HEG1: variants seen among roughly 807,000 people sequenced by gnomAD.
The protein encoded by HEG1 is protein HEG homolog 1.
A neutral mutation model predicts 125.6 loss-of-function variants in HEG1; 56 were observed. The observed-to-expected ratio is 0.45, with a 90% CI of 0.36 to 0.56. The LOEUF is 0.56. HEG1 is among the 20% of genes least tolerant of loss of function. The pLI is 0.00. For synonymous variants in HEG1, 644 were observed against 668.5 expected (o/e 0.96, Z 0.57); for missense variants, 1,523 against 1,670.0 (o/e 0.91, Z 1.53).
intron 14 of HEG1, among the ~76,000 whole-genome samples, chr3:124,990,010 A>C: frequency 6.6e-6 from 1 of 151,938 alleles, no homozygotes; most frequent in African/African-American, 2.4e-5. Context: ...TCCCCAGAAC[A>C]CCAAGGGCCC....
chr3:124,990,239 ATT>A (rs1160462890), intron 14 of HEG1, among the ~76,000 whole-genome samples: 1 of 151,998 alleles, frequency 6.6e-6, no homozygotes, highest in Non-Finnish European at 1.5e-5. Context: ...CAGCAGGGGT[ATT>A]TAGGAGTGAG....
chr3:125,008,468 T>C (rs527385016), intron 8 of HEG1, among the ~76,000 whole-genome samples: 1 of 152,342 alleles, frequency 6.6e-6, no homozygotes, highest in African/African-American at 2.4e-5. Flanking sequence ...GACTGAAAGA[T>C]GAGTTATTTT....
intron 1 of HEG1, among the ~76,000 whole-genome samples, chr3:125,036,167 G>A (rs1937545077): frequency 7.5e-6 from 1 of 132,700 alleles, no homozygotes. Context: ...CTATGATGGT[G>A]CCACTGCACT....
chr3:124,978,802 A>AAAATAAAT (rs10673332), intron 14 of HEG1, among the ~76,000 whole-genome samples: 42,992 of 139,760 alleles, frequency 0.31, 6,883 homozygotes, highest in East Asian at 0.4. Flanking sequence ...CTCTGTCTCA[A>AAAATAAAT]AAATAAATAA....
intron 1 of HEG1, among the ~76,000 whole-genome samples, chr3:125,040,855 A>C (rs1304127564): frequency 6.6e-6 from 1 of 152,180 alleles, no homozygotes; most frequent in African/African-American, 2.4e-5. Context: ...CCCACAGATC[A>C]AATTAAGAAA....
intron 1 of HEG1, among the ~76,000 whole-genome samples, chr3:125,043,983 G>A (rs762720084): frequency 3.3e-5 from 5 of 152,230 alleles, no homozygotes; most frequent in African/African-American, 4.8e-5. Flanking sequence ...ACAGCTGGCG[G>A]CTGACTTTCA....
At chr3:124,999,998 C>G (rs1677375705) in intron 11 of HEG1, among the ~76,000 whole-genome samples, 1 of 152,164 alleles carries the variant, frequency 6.6e-6, no homozygotes, top group Non-Finnish European at 1.5e-5. Flanking sequence ...TGCCCTTATG[C>G]TGGAAACACC....
In HEG1 at chr3:125,012,695, C is replaced by T. The variant is rs1937173433; in HGVS notation, c.2884G>A (p.Ala962Thr). 1 of 1,613,862 alleles carries T rather than the reference C, an allele frequency of 6.2e-7. No individual in the cohort carries two copies. Among genetic ancestry groups the T allele is most frequent in the African/African-American group, 1.3e-5 (1 of 75,032 alleles). ...ACAGCAAAGGTGGCAGATTTGGGAG[C>T]CAAGTCTTCAGCCGTGGAAACAACT... ...TTVVSTAEDL[A>T]PKSATFAVQS... The change falls in exon 6 of 17, where the codon GCT becomes ACT. Residue 962 changes from alanine (A) to threonine (T), a missense_variant. Transcript: ENST00000311127.
Position 125,013,231 on chromosome 3 carries a change from G to A in HEG1, c.2348C>T (p.Thr783Ile), listed in dbSNP as rs762387907. The change falls in exon 6 of 17, where the codon ACC (threonine) becomes ATC (isoleucine). Residue 783 changes from threonine to isoleucine, a missense_variant. Physicochemically the swap from Thr to Ile is moderately conservative, Grantham distance 89 (BLOSUM62 -1). Coordinates refer to ENST00000311127, the MANE Select transcript of HEG1 (RefSeq NM_020733.2). Reference sequence around the variant, plus strand: ...TGTAATGACTTTCTCTTGGTGTGGGGTGCTCTGGCTCTTAAGGTCTGCAGT... The same window carrying A: ...TGTAATGACTTTCTCTTGGTGTGGGATGCTCTGGCTCTTAAGGTCTGCAGT... The part of the protein sequence containing the change: ...SQTADLKSQS[T>I]PHQEKVITES... 4 of 1,614,002 alleles carry A rather than the reference G, an allele frequency of 2.5e-6. No individual in the cohort carries two copies. The highest frequency in any genetic ancestry group is 1.1e-5 in the South Asian group (1 of 91,084).
chr3:124,991,541 A>G (rs1250609627), intron 12 of HEG1, among the ~76,000 whole-genome samples: 1 of 152,212 alleles, frequency 6.6e-6, no homozygotes, highest in Non-Finnish European at 1.5e-5. Context: ...GAGGTGATTA[A>G]GTGAAATAAG....
rs1241370283 is a variant in HEG1 at position 125,027,259 on chromosome 3, A to G, written c.859T>C (p.Trp287Arg). The G allele has an allele frequency of 1.9e-6, 3 of 1,612,924 alleles. No individual in the cohort carries two copies. Among genetic ancestry groups the G allele is most frequent in the Non-Finnish European group, 2.5e-6 (3 of 1,179,508 alleles). ...KRNSSGPDLS[W>R]LHFYRTAASS... Reference sequence around the variant, plus strand: ...GCTGCTGTCCTGTAGAAATGCAGCCAGGAGAGATCTGGTCCTGAGGAATTT... The same window carrying G: ...GCTGCTGTCCTGTAGAAATGCAGCCGGGAGAGATCTGGTCCTGAGGAATTT... The change falls in exon 3 of 17, where the codon TGG becomes CGG. Residue 287 changes from tryptophan (W) to arginine (R), a missense_variant. Physicochemically the swap from Trp to Arg is moderately radical, Grantham distance 101 (BLOSUM62 -3). Transcript: ENST00000311127.
At chr3:124,990,235 G>A (rs1936807577) in intron 14 of HEG1, among the ~76,000 whole-genome samples, 2 of 152,130 alleles carry the variant, frequency 1.3e-5, no homozygotes, top group Non-Finnish European at 2.9e-5. Context: ...CACACAGCAG[G>A]GGTATTTAGG....
chr3:125,005,208 TA>T, intron 9 of HEG1, 56 bp downstream of exon 9: 1 of 1,048,654 alleles, frequency 9.5e-7, no homozygotes, highest in Non-Finnish European at 1.4e-6. Flanking sequence ...CCTCTTGGAA[TA>T]AAATCTGTTC....
At chr3:125,004,721 A>C (rs1441957628) in intron 9 of HEG1, among the ~76,000 whole-genome samples, 1 of 152,132 alleles carries the variant, frequency 6.6e-6, no homozygotes, top group Non-Finnish European at 1.5e-5. Flanking sequence ...TTCTTTAAAA[A>C]AAAAAAAATT....
intron 5 of HEG1, among the ~76,000 whole-genome samples, chr3:125,016,416 T>A (rs1352597150): frequency 6.6e-6 from 1 of 152,240 alleles, no homozygotes; most frequent in Non-Finnish European, 1.5e-5. Flanking sequence ...TGAAATCATA[T>A]GTTCCTCATG....
chr3:125,039,177 GT>G (rs369365364), intron 1 of HEG1, among the ~76,000 whole-genome samples: 50 of 149,190 alleles, frequency 3.4e-4, no homozygotes, highest in Admixed American at 2.0e-3. Context: ...TGCTTTGCCT[GT>G]TTTTTTTTTC....
At chr3:125,019,207 T>A in intron 5 of HEG1, 55 bp downstream of exon 5, 2 of 1,427,614 alleles carry the variant, frequency 1.4e-6, no homozygotes, top group Non-Finnish European at 2.0e-6. Context: ...TTCATAAGCA[T>A]CATGAGTCCC....
intron 14 of HEG1, among the ~76,000 whole-genome samples, chr3:124,989,961 C>T (rs1579402492): frequency 6.6e-6 from 1 of 152,282 alleles, no homozygotes; most frequent in Admixed American, 6.5e-5. Context: ...TTCTGCCTTC[C>T]GATCTTCCTA....
chr3:125,047,550 C>T (rs959124554), intron 1 of HEG1, among the ~76,000 whole-genome samples: 4 of 152,170 alleles, frequency 2.6e-5, no homozygotes, highest in Non-Finnish European at 4.4e-5. Context: ...GACTGCAACA[C>T]CAGCAGGGCT....
Sources: gnomAD v4.1 joint callset for allele counts (sites outside exome capture counted in the v4.1 genomes callset) on GRCh38, gnomAD v4.1.1 for gene constraint, MANE v1.5 for transcripts, NCBI Gene and HGNC (gene_info 2026-07-23, HGNC 2026-07-21) for gene names.